PIEZO2: variants seen among roughly 807,000 people sequenced by gnomAD.
PIEZO2 encodes the protein piezo type mechanosensitive ion channel component 2.
PIEZO2 carries 172 observed loss-of-function variants against 337.3 expected under a neutral mutation model. That is an observed-to-expected ratio of 0.51 (90% CI 0.45 to 0.58). The LOEUF (loss-of-function observed/expected upper bound fraction) is 0.58, where lower values mean the gene tolerates loss of function less well. Ranked by LOEUF, PIEZO2 falls within the 20% of genes least tolerant of loss-of-function variation. PIEZO2 has a pLI of 0.00. For synonymous variants in PIEZO2, 1,251 were observed against 1,228.5 expected (o/e 1.02, Z -0.38); for missense variants, 3,028 against 3,391.3 (o/e 0.89, Z 2.66).
chr18:10,712,976 C>T (rs1351216356), intron 39 of PIEZO2, among the ~76,000 whole-genome samples: 1 of 151,998 alleles, frequency 6.6e-6, no homozygotes, highest in Non-Finnish European at 1.5e-5. Context: ...AGATTATTAA[C>T]CAATTAAAAG....
rs139708304 is a variant in PIEZO2 at position 10,879,641 on chromosome 18, C to T, written c.330-8226G>A. Among the ~76,000 whole-genome samples the T allele has an allele frequency of 3.1e-3, 475 of 152,102 alleles. 3 individuals carry two copies. Among genetic ancestry groups the T allele is most frequent in the African/African-American group, 0.011 (452 of 41,490 alleles). On this transcript the variant is annotated intron_variant, in intron 4 of 55. Transcript: ENST00000674853. ...CGATCTCCTGACCTCATGATCTGCC[C>T]GCCTCGGCCTCCCAAAGTGCTGGGA...
chr18:11,067,994 T>G (rs1309543158), intron 1 of PIEZO2, among the ~76,000 whole-genome samples: 2 of 152,206 alleles, frequency 1.3e-5, no homozygotes, highest in African/African-American at 4.8e-5. Context: ...CGATCTCAGC[T>G]CACTGCAAGC....
chr18:10,988,616 A>T lies in PIEZO2; in HGVS notation c.161-8956T>A, dbSNP rs2034971896. Among the ~76,000 whole-genome samples the T allele has an allele frequency of 6.6e-6, 1 of 152,172 alleles. No homozygotes were observed. The highest frequency in any genetic ancestry group is 1.5e-5 in the Non-Finnish European group (1 of 68,042). On this transcript the variant is annotated intron_variant, in intron 2 of 55. Transcript: ENST00000674853. The surrounding 1 kb of genome is among the most constrained non-coding windows in gnomAD (Gnocchi z 4.8). ...AATAACTGAAATCAGGATGTCAAAA[A>T]CCTATCTGCACACCCATGTTTACTA...
In PIEZO2 at chr18:10,735,982, C is replaced by G. The variant is rs140579027; in HGVS notation, c.4815+622G>C. The stretch of plus-strand genomic sequence containing the variant: ...TCTAATGACAAAGCCTCATCTTTAA[C>G]AAGCATTGATTCACATTCACTCAAT... On this transcript the variant is annotated intron_variant, in intron 34 of 55. Coordinates refer to ENST00000674853, the MANE Select transcript of PIEZO2 (RefSeq NM_001378183.1). 1.3e-3 allele frequency among the ~76,000 whole-genome samples: 195 copies of G among 152,328 alleles called. 3 individuals are homozygous for G. The highest frequency in any genetic ancestry group is 4.5e-3 in the African/African-American group (185 of 41,570).
At chr18:10,692,696 G>A (rs1291223114) in intron 47 of PIEZO2, among the ~76,000 whole-genome samples, 1 of 152,130 alleles carries the variant, frequency 6.6e-6, no homozygotes, top group African/African-American at 2.4e-5. Flanking sequence ...TTCTATTTCT[G>A]GACTCTCTGT....
At chr18:11,082,041 T>C (rs1005054727) in intron 1 of PIEZO2, among the ~76,000 whole-genome samples, 47 of 152,228 alleles carry the variant, frequency 3.1e-4, no homozygotes, top group Middle Eastern at 3.4e-3. Context: ...ATTACAGGCG[T>C]GAGCCACTGC....
At chr18:11,006,824 T>C (rs1400620681) in intron 2 of PIEZO2, among the ~76,000 whole-genome samples, 1 of 152,190 alleles carries the variant, frequency 6.6e-6, no homozygotes. Flanking sequence ...AATTATTCCC[T>C]AGTAGTCTAA....
At chr18:10,745,154 C>T (rs573619278) in intron 30 of PIEZO2, among the ~76,000 whole-genome samples, 21 of 152,302 alleles carry the variant, frequency 1.4e-4, no homozygotes, top group African/African-American at 4.6e-4. Flanking sequence ...CTCCCACAGG[C>T]GTCTTGCCCT....
At chr18:11,142,287 AT>A (rs2040674976) in intron 1 of PIEZO2, among the ~76,000 whole-genome samples, 1 of 152,084 alleles carries the variant, frequency 6.6e-6, no homozygotes, top group South Asian at 2.1e-4. Context: ...ATTTAGCTAA[AT>A]TTTCTATGCC....
rs1371747851 is a variant in PIEZO2 at position 10,878,298 on chromosome 18, C to A, written c.330-6883G>T. ...TGCCTCTTCAAATATTTGTTCTTTTCTTTTTATCATGATAGTTTGTGCAAA... is the reference window on the plus strand; with the variant it reads ...TGCCTCTTCAAATATTTGTTCTTTTATTTTTATCATGATAGTTTGTGCAAA... On this transcript the variant is annotated intron_variant, in intron 4 of 55. Transcript: ENST00000674853. This position sits in a 1 kb window ranked among gnomAD's most constrained non-coding sequence, Gnocchi z 4.3. Among the ~76,000 whole-genome samples the A allele has an allele frequency of 6.6e-6, 1 of 152,190 alleles. No individual in the cohort carries two copies. The highest frequency in any genetic ancestry group is 1.5e-5 in the Non-Finnish European group (1 of 68,026).
intron 51 of PIEZO2, 112 bp from the exon 52 acceptor site, chr18:10,680,483 A>G (rs2034216753): frequency 2.9e-6 from 3 of 1,045,388 alleles, no homozygotes; most frequent in Non-Finnish European, 4.1e-6. Flanking sequence ...CTCCCTTTGA[A>G]GGGAATATTT....
At position 11,084,970 on chromosome 18, in the gene PIEZO2, C is replaced by A. The variant is rs73945727; in HGVS notation, c.65-18748G>T. 3.2e-3 allele frequency among the ~76,000 whole-genome samples: 494 copies of A among 152,354 alleles called. 3 individuals are homozygous for A. Among genetic ancestry groups the A allele is most frequent in the African/African-American group, 0.011 (455 of 41,576 alleles). On this transcript the variant is annotated intron_variant, in intron 1 of 55. Coordinates refer to ENST00000674853, the MANE Select transcript of PIEZO2 (RefSeq NM_001378183.1). ...TTGGCTCTTTGGTTCATCTGCTTCA[C>A]CTCCTTCACCTGGAAGGTGGCTGCC...
At chr18:11,043,762 C>T (rs2037202759) in intron 2 of PIEZO2, among the ~76,000 whole-genome samples, 1 of 151,968 alleles carries the variant, frequency 6.6e-6, no homozygotes, top group Non-Finnish European at 1.5e-5. Context: ...CTCCGCCTCC[C>T]GGGTTCAAGC....
intron 4 of PIEZO2, chr18:10,908,823 G>C (rs1393932220): frequency 6.6e-6 from 1 of 152,196 alleles, no homozygotes; most frequent in Admixed American, 6.5e-5. Flanking sequence ...GTATGGTGTT[G>C]AAAGCTCAGT....
At position 10,672,558 on chromosome 18, in the gene PIEZO2, A is replaced by G; in HGVS notation, c.8345+132T>C. On this transcript the variant is annotated intron_variant, in intron 55 of 55. Transcript: ENST00000674853. This position sits in a 1 kb window ranked among gnomAD's most constrained non-coding sequence, Gnocchi z 4.7. ...TCATTTTTTGAAATAAAATGCACAC[A>G]AGGATGTGTGCATTTTAATACTGCA... 1 of 986,962 alleles carries G rather than the reference A, an allele frequency of 1.0e-6. No individual in the cohort carries two copies. The highest frequency in any genetic ancestry group is 1.6e-5 in the African/African-American group (1 of 61,060). 61.1% of individuals were successfully genotyped at this position (986,962 alleles called of 1,614,324 possible). A position where few individuals can be genotyped will look rare whatever the true frequency, so the allele number is the denominator to read the frequency against.
chr18:10,976,836 G>T (rs753782678), intron 3 of PIEZO2, among the ~76,000 whole-genome samples: 20 of 152,134 alleles, frequency 1.3e-4, no homozygotes, highest in Non-Finnish European at 2.8e-4. Context: ...CCTGGAAAGA[G>T]GCAGGTCAAG....
At position 10,810,488 on chromosome 18, in the gene PIEZO2, T is replaced by C. The variant is rs142479345; in HGVS notation, c.918-3214A>G. On this transcript the variant is annotated intron_variant, in intron 7 of 55. Coordinates refer to ENST00000674853, the MANE Select transcript of PIEZO2 (RefSeq NM_001378183.1). ...GCCAGAGTTTCCTTGGGGAAGCTCA[T>C]GTTCTCTACGCCACCCTCCTCATCC... Among the ~76,000 whole-genome samples the C allele has an allele frequency of 2.4e-3, 369 of 152,278 alleles. 3 individuals are homozygous for C. Among genetic ancestry groups the C allele is most frequent in the African/African-American group, 8.3e-3 (346 of 41,554 alleles).
intron 4 of PIEZO2, among the ~76,000 whole-genome samples, chr18:10,885,452 TA>T (rs2042551247): frequency 6.6e-6 from 1 of 151,894 alleles, no homozygotes; most frequent in Non-Finnish European, 1.5e-5. Context: ...AAAAAGGGAA[TA>T]AAACACTGTA....
chr18:11,101,913 T>G lies in PIEZO2; in HGVS notation c.65-35691A>C, dbSNP rs2039432125. On this transcript the variant is annotated intron_variant, in intron 1 of 55. Transcript: ENST00000674853. The surrounding 1 kb of genome is among the most constrained non-coding windows in gnomAD (Gnocchi z 4.4). ...TGAAACCACACACTAATTTGTAACA[T>G]GAGTATGTAAACATTTCTGGATATG... Among the ~76,000 whole-genome samples, 1 of 152,210 alleles carries G rather than the reference T, an allele frequency of 6.6e-6. No homozygotes were observed. The highest frequency in any genetic ancestry group is 1.5e-5 in the Non-Finnish European group (1 of 68,042).
Sources: gnomAD v4.1 joint callset for allele counts (sites outside exome capture counted in the v4.1 genomes callset) on GRCh38, gnomAD v4.1.1 for gene constraint, Gnocchi (gnomAD v3.1) non-coding constraint, MANE v1.5 for transcripts, NCBI Gene and HGNC (gene_info 2026-07-23, HGNC 2026-07-21) for gene names.